LRP1B: variants seen among roughly 807,000 people sequenced by gnomAD.
The protein encoded by LRP1B is low-density lipoprotein receptor-related protein 1B.
Under a neutral mutation model 556.6 loss-of-function variants are expected in LRP1B, and 217 were observed. The observed-to-expected ratio is 0.39, with a 90% CI of 0.35 to 0.44. LRP1B has a LOEUF of 0.44. LRP1B is among the 20% of genes least tolerant of loss of function. The pLI is 1.00. For missense variants in LRP1B, 5,053 were observed against 5,620.8 expected (o/e 0.90, Z 3.23); for synonymous variants, 2,047 against 1,865.8 (o/e 1.10, Z -2.50).
chr2:140,599,977 T>A (rs1199294293), intron 42 of LRP1B, among the ~76,000 whole-genome samples: 1 of 152,162 alleles, frequency 6.6e-6, no homozygotes, highest in East Asian at 1.9e-4. Context: ...CATTTACATA[T>A]ATGATGATAA....
chr2:140,423,198 G>T (rs1174549615), intron 66 of LRP1B, among the ~76,000 whole-genome samples: 1 of 152,080 alleles, frequency 6.6e-6, no homozygotes, highest in African/African-American at 2.4e-5. Context: ...ATTGCTGTGG[G>T]TTTAATTATT....
At chr2:140,602,981 C>T (rs568557215) in intron 41 of LRP1B, among the ~76,000 whole-genome samples, 16 of 151,958 alleles carry the variant, frequency 1.1e-4, no homozygotes, top group Non-Finnish European at 2.1e-4. Context: ...CCTGGCTCCC[C>T]CATTCACCTG....
chr2:141,663,930 A>C (rs1252406612), intron 2 of LRP1B, among the ~76,000 whole-genome samples: 3 of 151,560 alleles, frequency 2.0e-5, no homozygotes, highest in African/African-American at 4.8e-5. Flanking sequence ...CAAAAAAAAA[A>C]AAAAAACAAA....
intron 7 of LRP1B, among the ~76,000 whole-genome samples, chr2:141,116,804 A>G (rs1700910841): frequency 6.6e-6 from 1 of 152,026 alleles, no homozygotes; most frequent in Admixed American, 6.6e-5. Flanking sequence ...AAGACTGGAA[A>G]GTATATTTTA....
Position 142,029,151 on chromosome 2 carries a change from C to T in LRP1B, c.82+101497G>A, listed in dbSNP as rs1044550139. 3.9e-5 allele frequency among the ~76,000 whole-genome samples: 6 copies of T among 151,936 alleles called. No homozygotes were observed. The East Asian group carries it at 1.2e-3, about 30-fold the overall frequency. ...AAAATCACCTAGAGAACTTGTTAAA[C>T]AGTTTCCAGGCCCTATAACCCAGAG... On this transcript the variant is annotated intron_variant, in intron 1 of 90. Transcript: ENST00000389484.
At chr2:140,968,221 C>G (rs1335606736) in intron 18 of LRP1B, among the ~76,000 whole-genome samples, 1 of 151,682 alleles carries the variant, frequency 6.6e-6, no homozygotes, top group Non-Finnish European at 1.5e-5. Flanking sequence ...TGTTATTGGT[C>G]TATTCAGGGA....
chr2:141,873,884 T>C (rs1698671094), intron 1 of LRP1B, among the ~76,000 whole-genome samples: 1 of 151,872 alleles, frequency 6.6e-6, no homozygotes, highest in African/African-American at 2.4e-5. Context: ...ACAAGTTTAA[T>C]GAGAGTATAG....
chr2:140,251,908 T>C (rs927678652), intron 86 of LRP1B, among the ~76,000 whole-genome samples: 28 of 151,064 alleles, frequency 1.9e-4, no homozygotes, highest in Non-Finnish European at 2.8e-4. Context: ...TGCAAAATAC[T>C]TTTTTTCTGG....
chr2:140,972,484 A>C (rs1696456973), intron 18 of LRP1B, among the ~76,000 whole-genome samples: 1 of 152,178 alleles, frequency 6.6e-6, no homozygotes, highest in South Asian at 2.1e-4. Flanking sequence ...CTAAAATATG[A>C]GTTTATCTTC....
chr2:141,988,057 A>G (rs1702248508), intron 1 of LRP1B, among the ~76,000 whole-genome samples: 1 of 151,902 alleles, frequency 6.6e-6, no homozygotes, highest in African/African-American at 2.4e-5. Context: ...ATGTCTAAAA[A>G]ATGCTTAAGG....
In LRP1B at chr2:141,355,761, A is replaced by T. The variant is rs184722712; in HGVS notation, c.344-101120T>A. On this transcript the variant is annotated intron_variant, in intron 3 of 90. Transcript: ENST00000389484. ...TTATAAGAGATAATCTATCTCCTAGAATTTTACCTGAATTGGTAATTATAT... is the reference window on the plus strand; with the variant it reads ...TTATAAGAGATAATCTATCTCCTAGTATTTTACCTGAATTGGTAATTATAT... Among the ~76,000 whole-genome samples, 218 of 152,318 alleles carry T rather than the reference A, an allele frequency of 1.4e-3. 1 individual carries two copies. The highest frequency in any genetic ancestry group is 1.9e-3 in the Non-Finnish European group (129 of 68,024).
intron 3 of LRP1B, among the ~76,000 whole-genome samples, chr2:141,462,701 C>G (rs571522047): frequency 2.0e-5 from 3 of 152,110 alleles, no homozygotes; most frequent in Non-Finnish European, 4.4e-5. Flanking sequence ...CCATCCTCTC[C>G]TTATCTTTCT....
At position 141,924,400 on chromosome 2, in the gene LRP1B, C is replaced by T. The variant is rs539680629; in HGVS notation, c.83-113999G>A. Among the ~76,000 whole-genome samples the T allele has an allele frequency of 4.6e-5, 7 of 152,246 alleles. No homozygotes were observed. In the East Asian group the frequency reaches 1.4e-3, roughly 30 times the overall value. On this transcript the variant is annotated intron_variant, in intron 1 of 90. Transcript: ENST00000389484. The stretch of plus-strand genomic sequence containing the variant: ...CCACCTCCACCATTCCATAAAACCT[C>T]ACATTGATCCTTCAAGCCCATGTGT...
chr2:141,231,460 G>A (rs961085830), intron 5 of LRP1B, among the ~76,000 whole-genome samples: 4 of 152,058 alleles, frequency 2.6e-5, no homozygotes, highest in African/African-American at 9.7e-5. Context: ...AAGAGACCCA[G>A]AGGTAGCAAA....
At chr2:141,880,732 G>T (rs1698929728) in intron 1 of LRP1B, among the ~76,000 whole-genome samples, 1 of 151,998 alleles carries the variant, frequency 6.6e-6, no homozygotes, top group Non-Finnish European at 1.5e-5. Flanking sequence ...TAATTTAAAT[G>T]TGCATACTGT....
In LRP1B at chr2:141,956,134, A is replaced by AT. The variant is rs1271822687; in HGVS notation, c.83-145734dup. Among the ~76,000 whole-genome samples, 9 of 151,880 alleles carry AT rather than the reference A, an allele frequency of 5.9e-5. 1 individual carries two copies. Among genetic ancestry groups the AT allele is most frequent in the Non-Finnish European group, 1.2e-4 (8 of 67,966 alleles). On this transcript the variant is annotated intron_variant, in intron 1 of 90. Transcript: ENST00000389484. ...AGACAGGCATATGCCTAGGAATTGA[A>AT]TTTTTTTTGAGTATGCATGCCTTCA... is the stretch of plus-strand genomic sequence containing the variant.
chr2:140,389,343 G>A (rs536599956), intron 66 of LRP1B, among the ~76,000 whole-genome samples: 145 of 152,058 alleles, frequency 9.5e-4, no homozygotes, highest in Admixed American at 3.7e-3. Flanking sequence ...GGAGCAAGAC[G>A]TGGAGAAGTG....
chr2:141,582,891 A>G (rs1266594833), intron 2 of LRP1B, among the ~76,000 whole-genome samples: 1 of 121,956 alleles, frequency 8.2e-6, no homozygotes, highest in Non-Finnish European at 1.6e-5. Flanking sequence ...GCTAGAGTGC[A>G]GTGGCCTGAT....
chr2:140,434,430 T>C (rs536132480), intron 66 of LRP1B, among the ~76,000 whole-genome samples: 1 of 152,272 alleles, frequency 6.6e-6, no homozygotes, highest in South Asian at 2.1e-4. Context: ...TGAAGATTTC[T>C]GAGGAATTAA....
Sources: allele counts gnomAD v4.1 joint callset (sites outside exome capture counted in the v4.1 genomes callset), GRCh38; gene constraint gnomAD v4.1.1; transcripts MANE v1.5; gene names NCBI Gene and HGNC (gene_info 2026-07-23, HGNC 2026-07-21).